VAT1L: variants seen among roughly 807,000 people sequenced by gnomAD.
VAT1L encodes putative NADPH-dependent quinone oxidoreductase VAT1L.
Under a neutral mutation model 44.1 loss-of-function variants are expected in VAT1L, and 34 were observed. The ratio of observed to expected loss-of-function variants is 0.77; its 90% CI spans 0.59 to 1.03. The LOEUF (loss-of-function observed/expected upper bound fraction) is 1.03. Among genes scored for constraint, VAT1L ranks in the 50% least tolerant of loss-of-function variants. The pLI is 0.00. For missense variants in VAT1L, 615 were observed against 538.8 expected, an observed-to-expected ratio of 1.14 and a Z score of -1.40; for synonymous variants, 253 against 202.2, an observed-to-expected ratio of 1.25 and a Z score of -2.13.
At position 77,978,070 on chromosome 16, in the gene VAT1L, G is replaced by A; in HGVS notation, c.*375G>A. On this transcript the variant is annotated 3_prime_UTR_variant, in exon 9 of 9. Coordinates refer to ENST00000302536, the MANE Select transcript of VAT1L (RefSeq NM_020927.3). ...TGGAAAGGTGTTATCACAGAGCCCT[G>A]TCCAGCTCCTAGAATTCCTCAGGCC... The A allele has an allele frequency of 5.6e-6, 1 of 179,504 alleles. No homozygotes were observed. Among genetic ancestry groups the A allele is most frequent in the South Asian group, 1.2e-4 (1 of 8,138 alleles). 11.1% of individuals were successfully genotyped at this position (179,504 alleles called of 1,614,324 possible).
chr16:77,788,645 A>T lies in VAT1L; in HGVS notation c.-38A>T, dbSNP rs906955760. 3.2e-6 allele frequency: 5 copies of T among 1,543,262 alleles called. No homozygotes were observed. Among genetic ancestry groups the T allele is most frequent in the Non-Finnish European group, 4.4e-6 (5 of 1,143,942 alleles). On this transcript the variant is annotated 5_prime_UTR_variant, in exon 1 of 9. Transcript: ENST00000302536. ...ACTCCCCCAGCGCCGCAGCCACCGC[A>T]GCCACCGCAGCCCGTGCGCCCCGCG... is the stretch of plus-strand genomic sequence containing the variant.
chr16:77,891,077 G>A (rs569378385), intron 7 of VAT1L, among the ~76,000 whole-genome samples: 4 of 150,940 alleles, frequency 2.7e-5, no homozygotes, highest in Admixed American at 1.3e-4. Context: ...CTTCTCGGCC[G>A]GGCGTGGTGG....
intron 1 of VAT1L, among the ~76,000 whole-genome samples, chr16:77,809,804 T>G (rs959674084): frequency 6.6e-6 from 1 of 152,206 alleles, no homozygotes; most frequent in African/African-American, 2.4e-5. Context: ...AGCTCCAGAT[T>G]TGAAGAAAGG....
intron 1 of VAT1L, among the ~76,000 whole-genome samples, chr16:77,811,254 A>G (rs1276375328): frequency 6.6e-6 from 1 of 152,214 alleles, no homozygotes; most frequent in Non-Finnish European, 1.5e-5. Flanking sequence ...ACAAGGGAGC[A>G]TCTCCATGCT....
At chr16:77,900,111 A>G (rs1597089665) in intron 7 of VAT1L, among the ~76,000 whole-genome samples, 1 of 152,222 alleles carries the variant, frequency 6.6e-6, no homozygotes, top group East Asian at 1.9e-4. Flanking sequence ...GAAGCCCCAT[A>G]GTAAAACCAC....
At chr16:77,967,165 G>A (rs2018232212) in intron 7 of VAT1L, among the ~76,000 whole-genome samples, 1 of 152,124 alleles carries the variant, frequency 6.6e-6, no homozygotes, top group Admixed American at 6.5e-5. Flanking sequence ...TTGGGGTGTT[G>A]ACAACAGAGG....
At chr16:77,948,039 T>C (rs1333234485) in intron 7 of VAT1L, among the ~76,000 whole-genome samples, 4 of 152,166 alleles carry the variant, frequency 2.6e-5, no homozygotes, top group Admixed American at 2.6e-4. Context: ...GGATTACAGG[T>C]GTGTACCACC....
At chr16:77,971,272 CCCAACATTTGAAAAGAAA>C (rs1181601421) in intron 7 of VAT1L, among the ~76,000 whole-genome samples, 2 of 152,132 alleles carry the variant, frequency 1.3e-5, no homozygotes, top group Admixed American at 6.6e-5. Flanking sequence ...CTGGCAAGCC[CCCAACATTTGAAAAGAAA>C]CAGGAGGCCC....
At chr16:77,967,698 C>A (rs188424013) in intron 7 of VAT1L, among the ~76,000 whole-genome samples, 7 of 152,218 alleles carry the variant, frequency 4.6e-5, no homozygotes, top group African/African-American at 1.4e-4. Context: ...TAAGCTTTAA[C>A]TGGTGAGAAA....
Position 77,825,790 on chromosome 16 carries a change from G to A in VAT1L, c.579+329G>A, listed in dbSNP as rs1022518655. On this transcript the variant is annotated intron_variant, in intron 3 of 8. Coordinates refer to ENST00000302536, the MANE Select transcript of VAT1L (RefSeq NM_020927.3). ...CCAGCACTTTGGGAGGCAGAGGCGG[G>A]CAGATCACGAAGTCAGGAGATCAAG... is the stretch of plus-strand genomic sequence containing the variant. Among the ~76,000 whole-genome samples the A allele has an allele frequency of 4.0e-5, 6 of 151,722 alleles. No homozygotes were observed. The East Asian group carries it at 1.2e-3, about 30-fold the overall frequency.
At chr16:77,796,611 A>G (rs1425438007) in intron 1 of VAT1L, among the ~76,000 whole-genome samples, 3 of 152,208 alleles carry the variant, frequency 2.0e-5, no homozygotes, top group African/African-American at 7.2e-5. Context: ...TACAAAGACT[A>G]GCTAAGTGTC....
chr16:77,972,304 G>A (rs2018287772), intron 8 of VAT1L, among the ~76,000 whole-genome samples: 1 of 152,042 alleles, frequency 6.6e-6, no homozygotes, highest in South Asian at 2.1e-4. Flanking sequence ...GCTCCCTGAT[G>A]GTTCCACAGA....
chr16:77,808,522 G>C (rs575832255), intron 1 of VAT1L, among the ~76,000 whole-genome samples: 6 of 152,180 alleles, frequency 3.9e-5, no homozygotes, highest in African/African-American at 1.2e-4. Flanking sequence ...CTGGTCCCTG[G>C]TGCCAAAAAG....
At chr16:77,862,990 A>T in intron 4 of VAT1L, 100 bp downstream of exon 4, 2 of 1,400,126 alleles carry the variant, frequency 1.4e-6, no homozygotes, top group Non-Finnish European at 1.9e-6. Context: ...AATATGTAGC[A>T]AACATATATT....
intron 7 of VAT1L, chr16:77,892,650 C>T (rs547549048): frequency 2.8e-6 from 2 of 707,724 alleles, no homozygotes; most frequent in South Asian, 2.7e-5. Context: ...GGTGGCAACT[C>T]CATCTATGGA....
At chr16:77,833,448 G>A (rs148872919) in intron 3 of VAT1L, among the ~76,000 whole-genome samples, 21 of 152,298 alleles carry the variant, frequency 1.4e-4, no homozygotes, top group Non-Finnish European at 2.8e-4. Flanking sequence ...GGAGGAGGAG[G>A]TTCTTCATGA....
intron 7 of VAT1L, among the ~76,000 whole-genome samples, chr16:77,913,255 T>C (rs562987651): frequency 1.3e-5 from 2 of 152,372 alleles, no homozygotes; most frequent in African/African-American, 4.8e-5. Flanking sequence ...TATAGCACAC[T>C]GTTAACTATA....
At chr16:77,917,275 A>G (rs1440996283) in intron 7 of VAT1L, among the ~76,000 whole-genome samples, 4 of 152,202 alleles carry the variant, frequency 2.6e-5, no homozygotes, top group Non-Finnish European at 1.5e-5. Context: ...GGAAGCAACG[A>G]AAAAGGAAGG....
At chr16:77,951,531 G>T (rs2018042845) in intron 7 of VAT1L, among the ~76,000 whole-genome samples, 1 of 151,386 alleles carries the variant, frequency 6.6e-6, no homozygotes, top group Non-Finnish European at 1.5e-5. Flanking sequence ...GGGCAATGGA[G>T]TGAGACTCTG....
Sources: gnomAD v4.1 joint callset for allele counts (sites outside exome capture counted in the v4.1 genomes callset) on GRCh38, gnomAD v4.1.1 for gene constraint, MANE v1.5 for transcripts, NCBI Gene and HGNC (gene_info 2026-07-23, HGNC 2026-07-21) for gene names.